RARB: variants seen among roughly 807,000 people sequenced by gnomAD.
RARB encodes HBV-activated protein.
RARB carries 17 observed loss-of-function variants against 51.9 expected under a neutral mutation model. The observed-to-expected ratio is 0.33, with a 90% CI of 0.22 to 0.49. The LOEUF is 0.49. Among genes scored for constraint, RARB ranks in the 20% least tolerant of loss-of-function variants. The pLI is 0.99. For synonymous variants in RARB, 215 were observed against 195.4 expected, an observed-to-expected ratio of 1.10 and a Z score of -0.84; for missense variants, 369 against 550.8, an observed-to-expected ratio of 0.67 and a Z score of 3.30.
intron 5 of RARB, among the ~76,000 whole-genome samples, chr3:25,200,654 A>G (rs972021037): frequency 6.6e-6 from 1 of 152,196 alleles, no homozygotes; most frequent in East Asian, 1.9e-4. Flanking sequence ...TCAGCTTTCT[A>G]CATATGGCTA....
At chr3:25,553,813 C>T (rs372216923) in intron 3 of RARB, among the ~76,000 whole-genome samples, 1 of 152,216 alleles carries the variant, frequency 6.6e-6, no homozygotes, top group African/African-American at 2.4e-5. Context: ...TACCAGAGGT[C>T]CCCGACTCTC....
intron 1 of RARB, among the ~76,000 whole-genome samples, chr3:25,446,983 A>T (rs1708974961): frequency 6.6e-6 from 1 of 150,634 alleles, no homozygotes; most frequent in Non-Finnish European, 1.5e-5. Flanking sequence ...TCTAAGCTTC[A>T]GTTTCCTCAG....
At chr3:25,231,487 C>A (rs989370780) in intron 5 of RARB, among the ~76,000 whole-genome samples, 1 of 152,118 alleles carries the variant, frequency 6.6e-6, no homozygotes, top group African/African-American at 2.4e-5. Context: ...TGTTAAGAAG[C>A]AATCAGCTCC....
At chr3:25,455,948 T>G (rs1313961726) in intron 1 of RARB, among the ~76,000 whole-genome samples, 1 of 152,180 alleles carries the variant, frequency 6.6e-6, no homozygotes, top group Non-Finnish European at 1.5e-5. Context: ...TGAAATCACA[T>G]CAGGATGGCT....
At chr3:25,313,025 C>G (rs1024363576) in intron 5 of RARB, among the ~76,000 whole-genome samples, 1 of 152,220 alleles carries the variant, frequency 6.6e-6, no homozygotes, top group African/African-American at 2.4e-5. Flanking sequence ...CTATCCACTT[C>G]TAGCCATTTG....
intron 2 of RARB, among the ~76,000 whole-genome samples, chr3:25,462,060 A>G (rs1473376576): frequency 1.3e-5 from 2 of 152,146 alleles, no homozygotes; most frequent in Non-Finnish European, 2.9e-5. Flanking sequence ...TGAAACTGGG[A>G]TTTGTCTGCT....
intron 2 of RARB, among the ~76,000 whole-genome samples, chr3:25,479,614 T>C (rs1038692112): frequency 2.0e-5 from 3 of 152,336 alleles, no homozygotes; most frequent in Middle Eastern, 3.4e-3. Context: ...GGAAGTGTTT[T>C]TGACAGCTCT....
At chr3:25,059,913 T>TAAA (rs1394484592) in intron 2 of RARB, among the ~76,000 whole-genome samples, 1 of 151,778 alleles carries the variant, frequency 6.6e-6, no homozygotes, top group Non-Finnish European at 1.5e-5. Context: ...TGATAGAATC[T>TAAA]GAAAAAAGTG....
intron 5 of RARB, among the ~76,000 whole-genome samples, chr3:25,373,386 G>T (rs1236482441): frequency 6.6e-6 from 1 of 152,158 alleles, no homozygotes; most frequent in African/African-American, 2.4e-5. Context: ...GGAGAATGCA[G>T]TGAGTGAGGA....
At chr3:24,910,177 C>A (rs1405516533) in intron 2 of RARB, among the ~76,000 whole-genome samples, 1 of 152,184 alleles carries the variant, frequency 6.6e-6, no homozygotes, top group East Asian at 1.9e-4. Context: ...TTTTTGCAAG[C>A]TAAATATAAT....
intron 5 of RARB, among the ~76,000 whole-genome samples, chr3:25,590,250 A>G (rs902206784): frequency 6.6e-6 from 1 of 152,216 alleles, no homozygotes; most frequent in Non-Finnish European, 1.5e-5. Context: ...AACCTTTTCG[A>G]ATAGAATAGT....
At chr3:25,227,661 A>G (rs1702086359) in intron 5 of RARB, among the ~76,000 whole-genome samples, 4 of 152,140 alleles carry the variant, frequency 2.6e-5, no homozygotes, top group Admixed American at 6.6e-5. Flanking sequence ...TTACATTGGC[A>G]TTATGAATGT....
intron 4 of RARB, among the ~76,000 whole-genome samples, chr3:25,172,459 C>A (rs1453423723): frequency 2.6e-5 from 4 of 152,108 alleles, no homozygotes; most frequent in Non-Finnish European, 5.9e-5. Context: ...AGTGAGGTGC[C>A]TCACATATGG....
In RARB at chr3:25,597,407, C is replaced by CAGTT. The variant is rs10548794; in HGVS notation, c.*797_*800dup. 92 of 152,064 alleles carry CAGTT rather than the reference C, an allele frequency of 6.1e-4. No homozygotes were observed. Among genetic ancestry groups the CAGTT allele is most frequent in the Middle Eastern group, 6.8e-3 (2 of 294 alleles). 9.4% of individuals were successfully genotyped at this position (152,064 alleles called of 1,614,324 possible). A position where few individuals can be genotyped will look rare whatever the true frequency, so the allele number is the denominator to read the frequency against. ...TTACTTGTTTAATGACATAACTACA[C>CAGTT]AGTTAGTTAAAAAAAATTTTTTTAC... On this transcript the variant is annotated 3_prime_UTR_variant, in exon 8 of 8. Coordinates refer to ENST00000330688, the MANE Select transcript of RARB (RefSeq NM_000965.5).
chr3:24,950,713 G>GC (rs1695871352), intron 2 of RARB, among the ~76,000 whole-genome samples: 2 of 94,074 alleles, frequency 2.1e-5, no homozygotes, highest in Admixed American at 1.9e-4. Flanking sequence ...GCAGGAAAAG[G>GC]AAAAAAAAAA....
At chr3:24,871,459 C>T (rs1047977574) in intron 2 of RARB, among the ~76,000 whole-genome samples, 3 of 152,114 alleles carry the variant, frequency 2.0e-5, no homozygotes, top group Non-Finnish European at 4.4e-5. Flanking sequence ...TCCTACATTT[C>T]CTCTTCTCAG....
chr3:25,504,770 C>CTTTTTTTTTTTTT (rs61498243), intron 3 of RARB, among the ~76,000 whole-genome samples: 1 of 126,054 alleles, frequency 7.9e-6, no homozygotes, highest in African/African-American at 3.2e-5. Context: ...ACATTAACCA[C>CTTTTTTTTTTTTT]TTTTTTTTTT....
chr3:25,546,134 C>T (rs1031849190), intron 3 of RARB, among the ~76,000 whole-genome samples: 1 of 151,840 alleles, frequency 6.6e-6, no homozygotes, highest in African/African-American at 2.4e-5. Flanking sequence ...TAGGGACCAT[C>T]GAGAAGGCCA....
intron 2 of RARB, among the ~76,000 whole-genome samples, chr3:25,465,067 A>G (rs1695366191): frequency 6.6e-6 from 1 of 152,198 alleles, no homozygotes; most frequent in South Asian, 2.1e-4. Context: ...TCCTTAGGAT[A>G]AATCAGTATA....
Sources: allele counts gnomAD v4.1 joint callset (sites outside exome capture counted in the v4.1 genomes callset), GRCh38; gene constraint gnomAD v4.1.1; transcripts MANE v1.5; gene names NCBI Gene and HGNC (gene_info 2026-07-23, HGNC 2026-07-21).